IGSF9B: variants seen among roughly 807,000 people sequenced by gnomAD.
IGSF9B encodes the protein immunoglobulin superfamily member 9B, also known as protein turtle homolog B.
Under a neutral mutation model 143.7 loss-of-function variants are expected in IGSF9B, and 48 were observed. That is an observed-to-expected ratio of 0.33 (90% CI 0.26 to 0.42). IGSF9B has a LOEUF of 0.42. Ranked by LOEUF, IGSF9B falls within the 20% of genes least tolerant of loss-of-function variation. The pLI is 1.00. For missense variants in IGSF9B, 1,706 were observed against 1,980.0 expected, an observed-to-expected ratio of 0.86 and a Z score of 2.63; for synonymous variants, 903 against 833.1, an observed-to-expected ratio of 1.08 and a Z score of -1.44.
chr11:133,947,741 G>A (rs865961224), intron 1 of IGSF9B, among the ~76,000 whole-genome samples: 3 of 38,550 alleles, frequency 7.8e-5, no homozygotes, highest in African/African-American at 1.4e-4. Flanking sequence ...TCTCTCTCTC[G>A]CATCTCTGGA....
In IGSF9B at chr11:133,904,123, G is replaced by C. The variant is rs1403475706; in HGVS notation, c.*4946C>G. On this transcript the variant is annotated 3_prime_UTR_variant, in exon 20 of 20. Transcript: ENST00000533871. The stretch of plus-strand genomic sequence containing the variant: ...CACGAAGCCACTGTGCAACTTCATG[G>C]CCGGAAGGAAGCCTCTCTACCTCAA... Among the ~76,000 whole-genome samples the C allele has an allele frequency of 1.3e-5, 2 of 152,132 alleles. No homozygotes were observed. Among genetic ancestry groups the C allele is most frequent in the African/African-American group, 2.4e-5 (1 of 41,412 alleles).
At position 133,905,914 on chromosome 11, in the gene IGSF9B, C is replaced by G. The variant is rs1939204465; in HGVS notation, c.*3155G>C. Among the ~76,000 whole-genome samples, 1 of 152,232 alleles carries G rather than the reference C, an allele frequency of 6.6e-6. No individual in the cohort carries two copies. The highest frequency in any genetic ancestry group is 2.1e-4 in the South Asian group (1 of 4,828). On this transcript the variant is annotated 3_prime_UTR_variant, in exon 20 of 20. Transcript: ENST00000533871. The surrounding 1 kb of genome is among the most constrained non-coding windows in gnomAD (Gnocchi z 4.0). ...TACATCTTCTCTCCCCACGCAAATG[C>G]AGTTGTCCAGGCCCCGCTAAGAACC...
chr11:133,916,052 C>T (rs944417065), intron 18 of IGSF9B, among the ~76,000 whole-genome samples: 2 of 152,178 alleles, frequency 1.3e-5, no homozygotes, highest in African/African-American at 4.8e-5. Flanking sequence ...CTACAGCTGA[C>T]CCAGGACAGG....
chr11:133,936,005 G>T (rs1304521607), intron 6 of IGSF9B, 48 bp downstream of exon 6: 1 of 1,597,974 alleles, frequency 6.3e-7, no homozygotes, highest in Admixed American at 1.7e-5. Context: ...CCCTGCCCGT[G>T]GGGGCTGGGG....
Position 133,906,229 on chromosome 11 carries a change from G to A in IGSF9B, c.*2840C>T, listed in dbSNP as rs541439892. 1.4e-4 allele frequency among the ~76,000 whole-genome samples: 21 copies of A among 152,316 alleles called. No individual in the cohort carries two copies. The South Asian group carries it at 3.1e-3, about 23-fold the overall frequency. ...GTGGTTACACCCCCATCACCCACAT[G>A]CTCACAACCACGCTGTCACACATGC... On this transcript the variant is annotated 3_prime_UTR_variant, in exon 20 of 20. Coordinates refer to ENST00000533871, the MANE Select transcript of IGSF9B (RefSeq NM_001277285.4).
Position 133,936,176 on chromosome 11 carries a change from G to C in IGSF9B, c.698C>G (p.Ser233Cys). The C allele has an allele frequency of 6.2e-7, 1 of 1,611,162 alleles. No individual in the cohort carries two copies. The highest frequency in any genetic ancestry group is 8.5e-7 in the Non-Finnish European group (1 of 1,178,792). Residue 233 changes from serine to cysteine, a missense_variant, in exon 6 of 20, where the codon TCC becomes TGC. Physicochemically the swap from Ser to Cys is moderately radical, Grantham distance 112. Transcript: ENST00000533871. Reference protein sequence around the residue: ...LLVQGPPFIVSPPENITVNIS... With the variant: ...LLVQGPPFIVCPPENITVNIS... ...GTTGACGGTGATGTTCTCAGGAGGG[G>C]AGACGATGAAAGGGGGCCCTGGGGA...
Position 133,921,091 on chromosome 11 carries a change from G to A in IGSF9B, c.2634C>T (p.Pro878=). The change falls in exon 18 of 20, where the codon CCC becomes CCT. Residue 878 remains proline (P), a synonymous_variant. Coordinates refer to ENST00000533871, the MANE Select transcript of IGSF9B (RefSeq NM_001277285.4). ...GGTACATGTCCGTCTCCTCGGCGAA[G>A]GGGAAGCCCTCGATGCGCCTGCTCT... The part of the protein sequence containing the change: ...SLKSRRIEGF[P]FAEETDMYPE... 6.2e-7 allele frequency: 1 copy of A among 1,613,894 alleles called. No homozygotes were observed. The highest frequency in any genetic ancestry group is 8.5e-7 in the Non-Finnish European group (1 of 1,179,880).
chr11:133,920,087 G>A lies in IGSF9B; in HGVS notation c.3638C>T (p.Thr1213Ile). ...ACGGGCGGCGAGCTCAGGGGAGCCG[G>A]TGCGGGAGCTGAGGGGGCTTTGGGT... ...PLTQSPLSSRTGSPELAARAR... is the reference protein window; with the variant it reads ...PLTQSPLSSRIGSPELAARAR... Residue 1213 changes from threonine to isoleucine, a missense_variant, in exon 18 of 20, where the codon ACC becomes ATC. Transcript: ENST00000533871. The A allele has an allele frequency of 6.6e-7, 1 of 1,525,438 alleles. No individual in the cohort carries two copies. Among genetic ancestry groups the A allele is most frequent in the African/African-American group, 1.4e-5 (1 of 71,878 alleles). The allele number at this position is 1,525,438 out of a possible 1,614,324, so 94.5% of individuals were successfully genotyped here. A position where few individuals can be genotyped will look rare whatever the true frequency, so the allele number is the denominator to read the frequency against.
Position 133,920,248 on chromosome 11 carries a change from G to A in IGSF9B, c.3477C>T (p.Gly1159=), listed in dbSNP as rs113797769. The A allele has an allele frequency of 7.5e-5, 114 of 1,516,786 alleles. No individual in the cohort carries two copies. In the African/African-American group the frequency reaches 1.3e-3, roughly 17 times the overall value. The allele number at this position is 1,516,786 out of a possible 1,614,324, so 94.0% of individuals were successfully genotyped here. Residue 1159 remains glycine, a synonymous_variant, in exon 18 of 20, where the codon GGC becomes GGT. Coordinates refer to ENST00000533871, the MANE Select transcript of IGSF9B (RefSeq NM_001277285.4). ...YPEPAEPGAH[G]GPSTFGLDTR... ...TGTCCAGGCCAAATGTGCTGGGGCC[G>A]CCGTGCGCCCCCGGCTCAGCCGGCT...
chr11:133,935,314 G>A (rs924113318), intron 7 of IGSF9B, among the ~76,000 whole-genome samples: 26 of 152,210 alleles, frequency 1.7e-4, no homozygotes, highest in African/African-American at 6.3e-4. Context: ...CCAGCCTTCA[G>A]CCCGAGGACC....
At chr11:133,933,834 C>T (rs555687249) in intron 7 of IGSF9B, among the ~76,000 whole-genome samples, 3 of 152,134 alleles carry the variant, frequency 2.0e-5, no homozygotes, top group South Asian at 2.1e-4. Flanking sequence ...CTGAGGGCTA[C>T]GGAGGAGAAG....
chr11:133,912,114 A>G, intron 18 of IGSF9B, 107 bp from the exon 19 acceptor site: 1 of 1,316,404 alleles, frequency 7.6e-7, no homozygotes, highest in Middle Eastern at 2.2e-4. Flanking sequence ...GACAGAGTTC[A>G]GTCCTACAGA....
intron 12 of IGSF9B, among the ~76,000 whole-genome samples, chr11:133,927,688 A>T (rs1467028212): frequency 6.6e-6 from 1 of 152,168 alleles, no homozygotes; most frequent in Non-Finnish European, 1.5e-5. Context: ...ATGCATGGAG[A>T]GTAGGAAGAC....
rs372458520 is a variant in IGSF9B at position 133,926,992 on chromosome 11, C to G, written c.1731G>C (p.Ala577=). Reference sequence around the variant, plus strand: ...TCTGGGCCAGGACGCTGAACTGGTACGCTGTCTCAGGCTCCAGGGTGTCCA... The same window carrying G: ...TCTGGGCCAGGACGCTGAACTGGTAGGCTGTCTCAGGCTCCAGGGTGTCCA... ...LLVDTLEPET[A]YQFSVLAQNK... Residue 577 remains alanine (A), a synonymous_variant, in exon 13 of 20, where the codon GCG becomes GCC. Transcript: ENST00000533871. 1 of 1,587,682 alleles carries G rather than the reference C, an allele frequency of 6.3e-7. No individual in the cohort carries two copies. Among genetic ancestry groups the G allele is most frequent in the Non-Finnish European group, 8.6e-7 (1 of 1,167,552 alleles).
In IGSF9B at chr11:133,917,773, G is replaced by A. The variant is rs1403164085; in HGVS notation, c.3983+1969C>T. ...CACGAAGATCTCAAGAAGCTGGTGAGGGGCCAGCCACCCCAGGAGAAGGGA... is the reference window on the plus strand; with the variant it reads ...CACGAAGATCTCAAGAAGCTGGTGAAGGGCCAGCCACCCCAGGAGAAGGGA... On this transcript the variant is annotated intron_variant, in intron 18 of 19. Transcript: ENST00000533871. 3.9e-5 allele frequency among the ~76,000 whole-genome samples: 6 copies of A among 152,134 alleles called. No homozygotes were observed. The East Asian group carries it at 1.2e-3, about 29-fold the overall frequency.
At position 133,909,915 on chromosome 11, in the gene IGSF9B, C is replaced by G. The variant is rs1939274469; in HGVS notation, c.4106-638G>C. On this transcript the variant is annotated intron_variant, in intron 19 of 19. Coordinates refer to ENST00000533871, the MANE Select transcript of IGSF9B (RefSeq NM_001277285.4). The surrounding 1 kb of genome is among the most constrained non-coding windows in gnomAD (Gnocchi z 4.2). ...AAAGATAAAATAGGGTCAACTGAGGCACTACTCCGCTCCTTAAAGGGTTAA... is the reference window on the plus strand; with the variant it reads ...AAAGATAAAATAGGGTCAACTGAGGGACTACTCCGCTCCTTAAAGGGTTAA... 6.6e-6 allele frequency among the ~76,000 whole-genome samples: 1 copy of G among 152,242 alleles called. No individual in the cohort carries two copies. Among genetic ancestry groups the G allele is most frequent in the African/African-American group, 2.4e-5 (1 of 41,466 alleles).
Position 133,936,192 on chromosome 11 carries a change from G to A in IGSF9B, c.682C>T (p.Pro228Ser), listed in dbSNP as rs1414117823. 1 of 1,608,522 alleles carries A rather than the reference G, an allele frequency of 6.2e-7. No homozygotes were observed. ...VHTTHLLVQG[P>S]PFIVSPPENI... ...TCAGGAGGGGAGACGATGAAAGGGG[G>A]CCCTGGGGAGAGCAGGGAACAAACC... Residue 228 changes from proline (P) to serine (S), a missense_variant and splice_region_variant, in exon 6 of 20, where the codon CCC becomes TCC. Around this residue, in one of 7 missense-constraint regions of IGSF9B, gnomAD observed 238 missense variants for 452.6 expected, o/e 0.53. Transcript: ENST00000533871.
Position 133,908,826 on chromosome 11 carries a change from G to GA in IGSF9B, c.*242_*243insT. 1 of 497,844 alleles carries GA rather than the reference G, an allele frequency of 2.0e-6. No individual in the cohort carries two copies. The highest frequency in any genetic ancestry group is 3.2e-5 in the South Asian group (1 of 31,224). The allele number at this position is 497,844 out of a possible 1,614,324, so 30.8% of individuals were successfully genotyped here. On this transcript the variant is annotated 3_prime_UTR_variant, in exon 20 of 20. Coordinates refer to ENST00000533871, the MANE Select transcript of IGSF9B (RefSeq NM_001277285.4). ...GCAGGGGGCGGAGGGGAGGAGACAG[G>GA]TGTTGCCCAGTCTCCAATCCACTTC...
Position 133,935,323 on chromosome 11 carries a change from C to T in IGSF9B, c.967+294G>A, listed in dbSNP as rs937013388. Reference sequence around the variant, plus strand: ...TGCAGGCCAGCCTTCAGCCCGAGGACCACCGTTCAGAAGGAACTGCTCAAA... The same window carrying T: ...TGCAGGCCAGCCTTCAGCCCGAGGATCACCGTTCAGAAGGAACTGCTCAAA... On this transcript the variant is annotated intron_variant, in intron 7 of 19. Transcript: ENST00000533871. Among the ~76,000 whole-genome samples, 2 of 152,256 alleles carry T rather than the reference C, an allele frequency of 1.3e-5. No homozygotes were observed. Among genetic ancestry groups the T allele is most frequent in the Non-Finnish European group, 2.9e-5 (2 of 68,042 alleles).
Sources: allele counts gnomAD v4.1 joint callset (sites outside exome capture counted in the v4.1 genomes callset), GRCh38; gene constraint gnomAD v4.1.1; regional missense constraint gnomAD v4.1.1; non-coding constraint Gnocchi (gnomAD v3.1); transcripts MANE v1.5; gene names NCBI Gene and HGNC (gene_info 2026-07-23, HGNC 2026-07-21).